IGF2BP2: variants seen among roughly 807,000 people sequenced by gnomAD.
IGF2BP2 encodes the protein insulin-like growth factor 2 mRNA-binding protein 2.
In IGF2BP2, 17 loss-of-function variants were observed where a neutral mutation model predicts 75.8. That is an observed-to-expected ratio of 0.22 (90% CI 0.15 to 0.34). The LOEUF is 0.34. Among genes scored for constraint, IGF2BP2 ranks in the 10% least tolerant of loss-of-function variants. The pLI, the probability that IGF2BP2 is intolerant of heterozygous loss-of-function variation, is 1.00. For missense variants in IGF2BP2, 516 were observed against 772.4 expected, an observed-to-expected ratio of 0.67 and a Z score of 3.93; for synonymous variants, 288 against 295.6, an observed-to-expected ratio of 0.97 and a Z score of 0.26.
intron 4 of IGF2BP2, 107 bp from the exon 5 acceptor site, chr3:185,692,869 AC>A: frequency 1.1e-6 from 1 of 877,970 alleles, no homozygotes; most frequent in Non-Finnish European, 1.9e-6. Flanking sequence ...CCCTCATCAC[AC>A]TGGCTCCACA....
chr3:185,820,584 A>G (rs1163521373), intron 2 of IGF2BP2, among the ~76,000 whole-genome samples: 3 of 152,172 alleles, frequency 2.0e-5, no homozygotes, highest in Non-Finnish European at 4.4e-5. Context: ...TGACCCTGAG[A>G]AAATAATGGC....
At chr3:185,738,693 T>C (rs976105658) in intron 2 of IGF2BP2, among the ~76,000 whole-genome samples, 64 of 152,210 alleles carry the variant, frequency 4.2e-4, no homozygotes, top group African/African-American at 1.5e-3. Flanking sequence ...ACAGTTGCAT[T>C]TCTGTCCCTG....
intron 2 of IGF2BP2, among the ~76,000 whole-genome samples, chr3:185,810,140 A>G (rs1202664726): frequency 6.6e-6 from 1 of 152,234 alleles, no homozygotes; most frequent in Non-Finnish European, 1.5e-5. Context: ...AGTGATTACT[A>G]ATGAGTTATT....
At chr3:185,694,397 T>C (rs1173820777) in intron 4 of IGF2BP2, among the ~76,000 whole-genome samples, 2 of 152,256 alleles carry the variant, frequency 1.3e-5, no homozygotes, top group Non-Finnish European at 2.9e-5. Context: ...CTTAGTCATA[T>C]GCTCTGTTCT....
chr3:185,806,016 C>T (rs1301255896), intron 2 of IGF2BP2, among the ~76,000 whole-genome samples: 1 of 151,538 alleles, frequency 6.6e-6, no homozygotes, highest in East Asian at 1.9e-4. Flanking sequence ...CTCAGGTGAT[C>T]CACCCGCCTC....
chr3:185,824,993 G>T lies in IGF2BP2; in HGVS notation c.-33C>A. The T allele has an allele frequency of 6.9e-7, 1 of 1,450,486 alleles. No individual in the cohort carries two copies. 89.9% of individuals were successfully genotyped at this position (1,450,486 alleles called of 1,614,324 possible). ...TTCCCCGAGAGCCCGCGGCTCCCCC[G>T]GCCCGGTACCCGGCGCTCCTCGCCT... On this transcript the variant is annotated 5_prime_UTR_variant, in exon 1 of 16. Coordinates refer to ENST00000382199, the MANE Select transcript of IGF2BP2 (RefSeq NM_006548.6).
At chr3:185,784,263 T>TAGACAGACAGACAGAC (rs534768952) in intron 2 of IGF2BP2, among the ~76,000 whole-genome samples, 44 of 93,382 alleles carry the variant, frequency 4.7e-4, no homozygotes, top group African/African-American at 3.1e-3. Context: ...GATAGATAGA[T>TAGACAGACAGACAGAC]AGATAGACAG....
intron 2 of IGF2BP2, among the ~76,000 whole-genome samples, chr3:185,819,503 ACTCTAATACTTAT>A (rs1487502579): frequency 6.6e-6 from 1 of 151,994 alleles, no homozygotes; most frequent in Non-Finnish European, 1.5e-5. Flanking sequence ...TTCTATTTTA[ACTCTAATACTTAT>A]CTCTTTGAGG....
At chr3:185,822,012 A>C (rs2150070599) in intron 2 of IGF2BP2, among the ~76,000 whole-genome samples, 1 of 152,280 alleles carries the variant, frequency 6.6e-6, no homozygotes, top group African/African-American at 2.4e-5. Flanking sequence ...TTAAAAAAAA[A>C]ACAGGATTTA....
chr3:185,704,753 T>C (rs1464304463), intron 2 of IGF2BP2, among the ~76,000 whole-genome samples: 1 of 152,018 alleles, frequency 6.6e-6, no homozygotes, highest in East Asian at 1.9e-4. Context: ...CCAGCCCAAC[T>C]GTCTCTTAAA....
chr3:185,675,271 G>C (rs370866823), intron 9 of IGF2BP2, 25 bp downstream of exon 9: 10 of 1,594,730 alleles, frequency 6.3e-6, no homozygotes, highest in Non-Finnish European at 8.5e-6. Context: ...GAAAACCAGC[G>C]GAGAAGAAAG....
At chr3:185,660,829 T>G (rs1487287311) in intron 10 of IGF2BP2, among the ~76,000 whole-genome samples, 1 of 152,204 alleles carries the variant, frequency 6.6e-6, no homozygotes, top group Non-Finnish European at 1.5e-5. Context: ...AAAAGAGCAC[T>G]TCAGCCCTCC....
At chr3:185,718,388 T>G (rs1725974760) in intron 2 of IGF2BP2, among the ~76,000 whole-genome samples, 1 of 152,128 alleles carries the variant, frequency 6.6e-6, no homozygotes, top group Admixed American at 6.5e-5. Flanking sequence ...GCAGTAACTC[T>G]ATCAGAAAGC....
chr3:185,714,392 T>A (rs571339996), intron 2 of IGF2BP2, among the ~76,000 whole-genome samples: 67 of 152,308 alleles, frequency 4.4e-4, no homozygotes, highest in African/African-American at 1.6e-3. Flanking sequence ...TAGCTATCCA[T>A]CCATCCATCC....
chr3:185,684,806 G>A (rs1024404146), intron 7 of IGF2BP2, among the ~76,000 whole-genome samples: 3 of 151,154 alleles, frequency 2.0e-5, no homozygotes, highest in African/African-American at 7.3e-5. Context: ...CTCCATCAAA[G>A]CAGGAACCAA....
At chr3:185,727,712 T>C (rs981525429) in intron 2 of IGF2BP2, among the ~76,000 whole-genome samples, 2 of 152,114 alleles carry the variant, frequency 1.3e-5, no homozygotes, top group Middle Eastern at 3.4e-3. Context: ...TTAGATGGAG[T>C]GGAGGATAAA....
chr3:185,698,668 A>T (rs1722904122), intron 2 of IGF2BP2, among the ~76,000 whole-genome samples: 1 of 150,972 alleles, frequency 6.6e-6, no homozygotes, highest in Non-Finnish European at 1.5e-5. Context: ...CTGCTCTGTC[A>T]TCCAGGCTGG....
intron 2 of IGF2BP2, among the ~76,000 whole-genome samples, chr3:185,715,810 A>G (rs1725523185): frequency 1.3e-5 from 2 of 151,722 alleles, no homozygotes; most frequent in South Asian, 4.2e-4. Flanking sequence ...CACCCAGCTA[A>G]TTTTTTTGTA....
intron 1 of IGF2BP2, among the ~76,000 whole-genome samples, chr3:185,823,878 T>G (rs1741686887): frequency 2.0e-5 from 3 of 151,316 alleles, no homozygotes; most frequent in Admixed American, 1.3e-4. Flanking sequence ...TGTGTGTGTG[T>G]GTCGCTCTCC....
Sources: gnomAD v4.1 joint callset for allele counts (sites outside exome capture counted in the v4.1 genomes callset) on GRCh38, gnomAD v4.1.1 for gene constraint, MANE v1.5 for transcripts, NCBI Gene and HGNC (gene_info 2026-07-23, HGNC 2026-07-21) for gene names.